Variants in SNX27 observed in about 807,000 individuals in gnomAD.
SNX27 encodes the protein sorting nexin 27, also known as sorting nexin-27.
Under a neutral mutation model 71.6 loss-of-function variants are expected in SNX27, and 22 were observed. The observed-to-expected ratio is 0.31, with a 90% CI of 0.22 to 0.44. The LOEUF (loss-of-function observed/expected upper bound fraction) is 0.44, where lower values mean the gene tolerates loss of function less well. Ranked by LOEUF, SNX27 falls within the 20% of genes least tolerant of loss-of-function variation. The pLI is 1.00. For missense variants in SNX27, 531 were observed against 698.6 expected (o/e 0.76, Z 2.70); for synonymous variants, 269 against 277.2 (o/e 0.97, Z 0.29).
At position 151,628,347 on chromosome 1, in the gene SNX27, A is replaced by C. The variant is rs77919400; in HGVS notation, c.312-10541A>C. ...AGCTCATTTCTTCTTTTAGAGGCAT[A>C]ATACTCAACTGTATGGCTCTTCCAC... On this transcript the variant is annotated intron_variant, in intron 1 of 11. Coordinates refer to ENST00000458013, the MANE Select transcript of SNX27 (RefSeq NM_001330723.2). Among the ~76,000 whole-genome samples the C allele has an allele frequency of 3.3e-5, 5 of 152,260 alleles. No individual in the cohort carries two copies. In the East Asian group the frequency reaches 9.6e-4, roughly 29 times the overall value.
rs1440568319 is a variant in SNX27, at chr1:151,639,005, A to G, written c.429A>G (p.Leu143=). The G allele has an allele frequency of 2.5e-6, 4 of 1,614,214 alleles. No individual in the cohort carries two copies. Among genetic ancestry groups the G allele is most frequent in the East Asian group, 4.5e-5 (2 of 44,888 alleles). The change falls in exon 2 of 12, where the codon CTA becomes CTG. Residue 143 remains leucine (L), a synonymous_variant. Transcript: ENST00000458013. ...TACCTCCTCATGAGGCAGATAACCT[A>G]GATCCCAGTGACGACTCGTTGGGAC... ...LSVPPHEADN[L]DPSDDSLGQS... is the part of the protein sequence containing the mutation.
intron 1 of SNX27, among the ~76,000 whole-genome samples, chr1:151,626,630 AGGCAGAG>A (rs1667955337): frequency 6.6e-6 from 1 of 152,062 alleles, no homozygotes; most frequent in Non-Finnish European, 1.5e-5. Context: ...TGAACTTGGG[AGGCAGAG>A]GTTGCAGTGA....
chr1:151,693,415 T>C lies in SNX27; in HGVS notation c.1519-9T>C. 1 of 1,614,128 alleles carries C rather than the reference T, an allele frequency of 6.2e-7. No individual in the cohort carries two copies. The highest frequency in any genetic ancestry group is 8.5e-7 in the Non-Finnish European group (1 of 1,179,996). On this transcript the variant is annotated splice_polypyrimidine_tract_variant and intron_variant, in intron 10 of 11. Coordinates refer to ENST00000458013, the MANE Select transcript of SNX27 (RefSeq NM_001330723.2). ...AGAAGTTAGTGAGTGTCACCACCTT[T>C]TTTTTCAGTTCAATTACATGCATGA...
intron 8 of SNX27, among the ~76,000 whole-genome samples, chr1:151,688,258 C>T (rs1315319263): frequency 6.6e-6 from 1 of 152,078 alleles, no homozygotes; most frequent in Non-Finnish European, 1.5e-5. Flanking sequence ...AGTGGGAAGT[C>T]CCTGAAAGGA....
At chr1:151,653,037 C>G (rs1366250145) in intron 2 of SNX27, among the ~76,000 whole-genome samples, 1 of 151,628 alleles carries the variant, frequency 6.6e-6, no homozygotes, top group Non-Finnish European at 1.5e-5. Context: ...AAGCAGTTCT[C>G]CTGCCTCAGC....
chr1:151,694,675 C>T lies in SNX27; in HGVS notation c.*258C>T. The T allele has an allele frequency of 2.5e-6, 1 of 395,316 alleles. No homozygotes were observed. Among genetic ancestry groups the T allele is most frequent in the Non-Finnish European group, 4.5e-6 (1 of 221,564 alleles). The allele number at this position is 395,316 out of a possible 1,614,324, so 24.5% of individuals were successfully genotyped here. On this transcript the variant is annotated 3_prime_UTR_variant, in exon 12 of 12. Transcript: ENST00000458013. ...AAAAGAAATAAGCCCAACCAACTTG[C>T]CAAAGGTATCTTTGTCCTTTCACCT...
intron 3 of SNX27, 164 bp from the exon 4 acceptor site, chr1:151,660,634 C>G: frequency 3.4e-6 from 2 of 587,132 alleles, no homozygotes; most frequent in Non-Finnish European, 6.1e-6. Flanking sequence ...GTTTGTCATG[C>G]CTTAAAATCT....
At chr1:151,668,350 G>C in intron 6 of SNX27, 122 bp from the exon 7 acceptor site, 1 of 893,970 alleles carries the variant, frequency 1.1e-6, no homozygotes, top group South Asian at 2.1e-5. Flanking sequence ...CTCCTTGGTG[G>C]ATTTGAGATG....
At chr1:151,663,567 T>G (rs1670058964) in intron 5 of SNX27, among the ~76,000 whole-genome samples, 1 of 152,194 alleles carries the variant, frequency 6.6e-6, no homozygotes, top group Non-Finnish European at 1.5e-5. Context: ...TGACCCATAT[T>G]CTGAATATAT....
chr1:151,666,177 C>A (rs1670180416), intron 6 of SNX27, 166 bp downstream of exon 6: 2 of 427,848 alleles, frequency 4.7e-6, no homozygotes, highest in South Asian at 1.4e-4. Flanking sequence ...CATGTCTGAT[C>A]ACTGTTGATT....
chr1:151,692,406 CTTTTTTT>C (rs61159507), intron 8 of SNX27, 22 bp from the exon 9 acceptor site: 97 of 854,328 alleles, frequency 1.1e-4, no homozygotes, highest in East Asian at 8.4e-4. Flanking sequence ...TTTCTCCTTC[CTTTTTTT>C]TTTTTTTTTT....
At chr1:151,633,375 T>TA (rs1246771631) in intron 1 of SNX27, among the ~76,000 whole-genome samples, 1 of 152,152 alleles carries the variant, frequency 6.6e-6, no homozygotes, top group Non-Finnish European at 1.5e-5. Flanking sequence ...CTTGGCTCAC[T>TA]ACAGCCTTGA....
chr1:151,641,232 G>A (rs1668705013), intron 2 of SNX27, among the ~76,000 whole-genome samples: 1 of 152,054 alleles, frequency 6.6e-6, no homozygotes, highest in Non-Finnish European at 1.5e-5. Flanking sequence ...ACCAAGAAGT[G>A]GAATTGCAGG....
chr1:151,692,137 T>C (rs1310854363), intron 8 of SNX27, among the ~76,000 whole-genome samples: 2 of 151,944 alleles, frequency 1.3e-5, no homozygotes. Context: ...GGTGGGAGGA[T>C]TGCTTGAGCC....
chr1:151,657,889 T>C (rs1669771084), intron 2 of SNX27, among the ~76,000 whole-genome samples: 1 of 151,988 alleles, frequency 6.6e-6, no homozygotes, highest in Admixed American at 6.6e-5. Context: ...TAATCCCAGC[T>C]ATTCAGGAGG....
intron 5 of SNX27, among the ~76,000 whole-genome samples, chr1:151,664,919 C>A (rs1670120765): frequency 1.3e-5 from 2 of 152,048 alleles, no homozygotes; most frequent in Non-Finnish European, 2.9e-5. Context: ...TTTTCTAAAC[C>A]TTGAAAGCAT....
intron 1 of SNX27, among the ~76,000 whole-genome samples, chr1:151,630,110 CA>C (rs200240392): frequency 1.1e-3 from 148 of 133,334 alleles, no homozygotes; most frequent in Non-Finnish European, 1.1e-3. Flanking sequence ...GACTTTGTCT[CA>C]AAAAAAAAAA....
At chr1:151,674,904 T>A (rs1558067935) in intron 7 of SNX27, among the ~76,000 whole-genome samples, 1 of 151,920 alleles carries the variant, frequency 6.6e-6, no homozygotes, top group Non-Finnish European at 1.5e-5. Context: ...GCCAGGATGG[T>A]CTTGATCTCT....
intron 1 of SNX27, among the ~76,000 whole-genome samples, chr1:151,636,932 T>C (rs1363175241): frequency 2.0e-5 from 3 of 152,106 alleles, no homozygotes; most frequent in African/African-American, 7.2e-5. Flanking sequence ...TGTTTAGGAA[T>C]TGTTCTACAT....
Sources: allele counts gnomAD v4.1 joint callset (sites outside exome capture counted in the v4.1 genomes callset), GRCh38; gene constraint gnomAD v4.1.1; transcripts MANE v1.5; gene names NCBI Gene and HGNC (gene_info 2026-07-23, HGNC 2026-07-21).